Variants in MDM2 observed in about 807,000 individuals in gnomAD.
MDM2 encodes the protein MDM2 proto-oncogene.
A neutral mutation model predicts 64.3 loss-of-function variants in MDM2; 11 were observed. The observed-to-expected ratio is 0.17, with a 90% CI of 0.11 to 0.28. The LOEUF (loss-of-function observed/expected upper bound fraction) is 0.28, where lower values mean the gene tolerates loss of function less well. MDM2 is among the 10% of genes least tolerant of loss of function. The pLI, the probability that MDM2 is intolerant of heterozygous loss-of-function variation, is 1.00. For synonymous variants in MDM2, 194 were observed against 192.9 expected, an observed-to-expected ratio of 1.01 and a Z score of -0.05; for missense variants, 388 against 577.1, an observed-to-expected ratio of 0.67 and a Z score of 3.36.
chr12:68,836,048 C>G lies in MDM2; in HGVS notation c.840+64C>G, dbSNP rs970219649. 3.0e-6 allele frequency: 4 copies of G among 1,325,246 alleles called. No individual in the cohort carries two copies. The East Asian group carries it at 1.0e-4, about 34-fold the overall frequency. The allele number at this position is 1,325,246 out of a possible 1,614,324, so 82.1% of individuals were successfully genotyped here. Reference sequence around the variant, plus strand: ...ATTAAATATTTTCTATGTTCATTGACTTTGAGATTGAAATAATATTATTCA... The same window carrying G: ...ATTAAATATTTTCTATGTTCATTGAGTTTGAGATTGAAATAATATTATTCA... On this transcript the variant is annotated intron_variant, in intron 9 of 10. Coordinates refer to ENST00000258149, the MANE Select transcript of MDM2 (RefSeq NM_002392.6).
At chr12:68,824,333 A>G (rs372678512) in intron 5 of MDM2, 30 bp from the exon 6 acceptor site, 27 of 1,456,578 alleles carry the variant, frequency 1.9e-5, no homozygotes, top group Non-Finnish European at 2.4e-5. Flanking sequence ...GCCCACCACC[A>G]AGTTTCTGAT....
At chr12:68,846,417 T>G (rs1884302243), downstream of MDM2, 1 of 152,196 alleles carries the variant, frequency 6.6e-6, no homozygotes, top group Non-Finnish European at 1.5e-5. Context: ...TTATTCCATT[T>G]ATTTTGTAGG....
At chr12:68,820,896 T>A (rs1057448306) in intron 5 of MDM2, among the ~76,000 whole-genome samples, 1 of 152,198 alleles carries the variant, frequency 6.6e-6, no homozygotes, top group Admixed American at 6.5e-5. Flanking sequence ...AAGATGCACA[T>A]GTATATATAC....
At chr12:68,823,468 G>A (rs1882041118) in intron 5 of MDM2, among the ~76,000 whole-genome samples, 1 of 152,144 alleles carries the variant, frequency 6.6e-6, no homozygotes, top group Non-Finnish European at 1.5e-5. Flanking sequence ...TGGAATCTTG[G>A]AATCATCTTA....
intron 3 of MDM2, among the ~76,000 whole-genome samples, chr12:68,814,336 G>A (rs1037010135): frequency 2.0e-5 from 3 of 152,204 alleles, no homozygotes; most frequent in African/African-American, 7.2e-5. Context: ...TTATAGGCAT[G>A]AGCCACCATG....
At position 68,843,293 on chromosome 12, in the gene MDM2, A is replaced by G; in HGVS notation, c.*3444A>G. ...AAAGTACTAATCCCTTTGGCCATTT[A>G]TTGAGAGAGAGAGAGAGAGAGAGTA... On this transcript the variant is annotated 3_prime_UTR_variant, in exon 11 of 11. Coordinates refer to ENST00000258149, the MANE Select transcript of MDM2 (RefSeq NM_002392.6). 1 of 225,354 alleles carries G rather than the reference A, an allele frequency of 4.4e-6. No individual in the cohort carries two copies. Among genetic ancestry groups the G allele is most frequent in the East Asian group, 6.3e-5 (1 of 15,920 alleles). The allele number at this position is 225,354 out of a possible 1,614,324, so 14.0% of individuals were successfully genotyped here.
intron 1 of MDM2, chr12:68,808,917 TGAGCTG>T: frequency 7.3e-7 from 1 of 1,363,394 alleles, no homozygotes; most frequent in Non-Finnish European, 9.4e-7. Flanking sequence ...CTTTTCCTCT[TGAGCTG>T]GTCAAGTTCA....
rs1168241305 is a variant in MDM2 at position 68,841,506 on chromosome 12, CT to C, written c.*1659del. 1 of 209,866 alleles carries C rather than the reference CT, an allele frequency of 4.8e-6. No individual in the cohort carries two copies. Among genetic ancestry groups the C allele is most frequent in the East Asian group, 7.2e-5 (1 of 13,934 alleles). 13.0% of individuals were successfully genotyped at this position (209,866 alleles called of 1,614,324 possible). Reference sequence around the variant, plus strand: ...GCCACCATTTACCCGTAAGACAAAACTTGTTAAAGCCTCCTGAGTCTAACCT... The same window carrying C: ...GCCACCATTTACCCGTAAGACAAAACTGTTAAAGCCTCCTGAGTCTAACCT... On this transcript the variant is annotated 3_prime_UTR_variant, in exon 11 of 11. Transcript: ENST00000258149.
chr12:68,822,033 G>A (rs1881900552), intron 5 of MDM2, among the ~76,000 whole-genome samples: 1 of 151,976 alleles, frequency 6.6e-6, no homozygotes, highest in South Asian at 2.1e-4. Context: ...TTTTCTGTAT[G>A]TTTGGTAGAG....
Position 68,813,640 on chromosome 12 carries a change from C to G in MDM2, c.174+12C>G. 1 of 1,596,104 alleles carries G rather than the reference C, an allele frequency of 6.3e-7. No individual in the cohort carries two copies. The highest frequency in any genetic ancestry group is 8.6e-7 in the Non-Finnish European group (1 of 1,165,280). On this transcript the variant is annotated intron_variant, in intron 3 of 10. Coordinates refer to ENST00000258149, the MANE Select transcript of MDM2 (RefSeq NM_002392.6). ...ATACTATGAAAGAGGTAAGCTGAAT[C>G]AAGAGATAAGTAGTATCTCACTAGT...
At chr12:68,833,149 A>AAAAAAATATATATAT (rs1555187768) in intron 8 of MDM2, among the ~76,000 whole-genome samples, 2 of 65,958 alleles carry the variant, frequency 3.0e-5, no homozygotes, top group African/African-American at 1.2e-4. Flanking sequence ...AAAAAAAAAA[A>AAAAAAATATATATAT]ATATATATAT....
rs1373275196 is a variant in MDM2, at chr12:68,842,394, C to T, written c.*2545C>T. ...CATGGCAGAGGTTTCCTAAAAATCT[C>T]ATTATCTATAACCATTTCTATATTT... On this transcript the variant is annotated 3_prime_UTR_variant, in exon 11 of 11. Coordinates refer to ENST00000258149, the MANE Select transcript of MDM2 (RefSeq NM_002392.6). 8.1e-6 allele frequency: 4 copies of T among 492,048 alleles called. No homozygotes were observed. Among genetic ancestry groups the T allele is most frequent in the African/African-American group, 5.8e-5 (3 of 51,452 alleles). 30.5% of individuals were successfully genotyped at this position (492,048 alleles called of 1,614,324 possible). A position where few individuals can be genotyped will look rare whatever the true frequency, so the allele number is the denominator to read the frequency against.
intron 7 of MDM2, among the ~76,000 whole-genome samples, chr12:68,825,503 A>G (rs1882237808): frequency 6.6e-6 from 1 of 152,184 alleles, no homozygotes; most frequent in Admixed American, 6.6e-5. Context: ...AATACAAAAA[A>G]TTAGCTGGAT....
chr12:68,824,770 C>T (rs1300236863), intron 7 of MDM2, 119 bp downstream of exon 7: 3 of 662,350 alleles, frequency 4.5e-6, no homozygotes, highest in South Asian at 4.1e-5. Flanking sequence ...ATGAATTAAC[C>T]TCTGAGTTTT....
At position 68,839,957 on chromosome 12, in the gene MDM2, C is replaced by T; in HGVS notation, c.*108C>T. On this transcript the variant is annotated 3_prime_UTR_variant, in exon 11 of 11. Transcript: ENST00000258149. ...CAAAGTGAGAAAATGCCTCAATTCA[C>T]ATAGATTTCTTCTCTTTAGTATAAT... 1.0e-6 allele frequency: 1 copy of T among 986,566 alleles called. No individual in the cohort carries two copies. The highest frequency in any genetic ancestry group is 1.5e-6 in the Non-Finnish European group (1 of 682,082). 61.1% of individuals were successfully genotyped at this position (986,566 alleles called of 1,614,324 possible). A position where few individuals can be genotyped will look rare whatever the true frequency, so the allele number is the denominator to read the frequency against.
intron 5 of MDM2, among the ~76,000 whole-genome samples, chr12:68,823,432 G>T (rs562620775): frequency 6.6e-5 from 10 of 151,992 alleles, no homozygotes; most frequent in Non-Finnish European, 1.5e-4. Flanking sequence ...TTTAGTGAAT[G>T]GTACCACTCA....
At chr12:68,829,537 G>C (rs760454147) in intron 8 of MDM2, among the ~76,000 whole-genome samples, 1 of 152,034 alleles carries the variant, frequency 6.6e-6, no homozygotes, top group Non-Finnish European at 1.5e-5. Context: ...AGGCTGAGGC[G>C]GGTGGATCAC....
chr12:68,813,424 C>T, intron 2 of MDM2, 130 bp from the exon 3 acceptor site: 1 of 610,712 alleles, frequency 1.6e-6, no homozygotes, highest in Non-Finnish European at 3.0e-6. Flanking sequence ...ATGATACTTG[C>T]ATAATGATTA....
At chr12:68,833,074 C>T (rs1425933212) in intron 8 of MDM2, among the ~76,000 whole-genome samples, 1 of 128,656 alleles carries the variant, frequency 7.8e-6, no homozygotes, top group South Asian at 2.4e-4. Context: ...TGCAGTGAGC[C>T]GAGATGGTGC....
Sources: allele counts gnomAD v4.1 joint callset (sites outside exome capture counted in the v4.1 genomes callset), GRCh38; gene constraint gnomAD v4.1.1; transcripts MANE v1.5; gene names NCBI Gene and HGNC (gene_info 2026-07-23, HGNC 2026-07-21).